Variants in CNTNAP3B observed in about 807,000 individuals in gnomAD.
The protein encoded by CNTNAP3B is contactin associated protein family member 3B, also known as contactin-associated protein-like 3B.
In CNTNAP3B, 25 loss-of-function variants were observed where a neutral mutation model predicts 108.9. That is an observed-to-expected ratio of 0.23 (90% CI 0.17 to 0.32). The LOEUF is 0.32. Ranked by LOEUF, CNTNAP3B falls within the 10% of genes least tolerant of loss-of-function variation. The probability of loss-of-function intolerance (pLI) is 1.00; values close to 1 mark genes in which losing one functional copy is unlikely to be tolerated. For synonymous variants in CNTNAP3B, 103 were observed against 473.4 expected, an observed-to-expected ratio of 0.22 and a Z score of 10.16; for missense variants, 252 against 1,210.4, an observed-to-expected ratio of 0.21 and a Z score of 11.75.
intron 1 of CNTNAP3B, among the ~76,000 whole-genome samples, chr9:42,127,907 G>A (rs1317921115): frequency 7.2e-6 from 1 of 139,546 alleles, no homozygotes; most frequent in African/African-American, 2.9e-5. Context: ...TAGGAAAACT[G>A]CTGAAAGCTA....
At chr9:41,958,536 G>A (rs1824948742) in intron 12 of CNTNAP3B, among the ~76,000 whole-genome samples, 1 of 151,958 alleles carries the variant, frequency 6.6e-6, no homozygotes, top group African/African-American at 2.4e-5. Context: ...GAAGGGGAAA[G>A]GTTCTGTAGT....
At chr9:41,936,230 T>C (rs1588050466) in intron 14 of CNTNAP3B, among the ~76,000 whole-genome samples, 1 of 152,278 alleles carries the variant, frequency 6.6e-6, no homozygotes, top group East Asian at 1.9e-4. Context: ...TGAGCTGAGA[T>C]CGCACCACTG....
chr9:42,117,027 AG>A (rs1398217583), intron 1 of CNTNAP3B, among the ~76,000 whole-genome samples: 1 of 139,364 alleles, frequency 7.2e-6, no homozygotes, highest in Non-Finnish European at 1.5e-5. Context: ...TCATAAAGCA[AG>A]TCCTTAGAGG....
At chr9:42,097,387 T>C (rs1435782886) in intron 2 of CNTNAP3B, among the ~76,000 whole-genome samples, 1 of 139,886 alleles carries the variant, frequency 7.1e-6, no homozygotes, top group East Asian at 2.2e-4. Flanking sequence ...CCCAGGTTAA[T>C]AAAGATGCTT....
In CNTNAP3B at chr9:42,123,199, CT is replaced by C. The variant is rs1288998945; in HGVS notation, c.85+5810del. Among the ~76,000 whole-genome samples, 4 of 101,668 alleles carry C rather than the reference CT, an allele frequency of 3.9e-5. 2 individuals carry two copies. Among genetic ancestry groups the C allele is most frequent in the East Asian group, 6.2e-4 (2 of 3,206 alleles). 66.7% of individuals were successfully genotyped at this position (101,668 alleles called of 152,430 possible). ...AACATGTGACATTGAGACAATGTTT[CT>C]TTTAATTCACATATAACTTCTTCCT... On this transcript the variant is annotated intron_variant, in intron 1 of 23. Transcript: ENST00000377561.
intron 3 of CNTNAP3B, among the ~76,000 whole-genome samples, chr9:42,067,197 GA>G (rs1827286012): frequency 6.9e-6 from 1 of 144,492 alleles, no homozygotes; most frequent in Non-Finnish European, 1.5e-5. Flanking sequence ...TTTCCTTCTA[GA>G]AACTCATCAA....
intron 9 of CNTNAP3B, among the ~76,000 whole-genome samples, chr9:41,977,944 A>G (rs1825553182): frequency 7.0e-6 from 1 of 141,852 alleles, no homozygotes; most frequent in Admixed American, 7.0e-5. Flanking sequence ...TTTTACTTTC[A>G]TATTGTGCTG....
In CNTNAP3B at chr9:42,076,750, T is replaced by C. The variant is rs1827499908; in HGVS notation, c.390+119A>G. On this transcript the variant is annotated intron_variant, in intron 3 of 23. Coordinates refer to ENST00000377561, the MANE Select transcript of CNTNAP3B (RefSeq NM_001201380.3). ...TGGTATAAGATTCTCTTTCAATGCTTTCAATGAAATAGGTATCTTACTTTC... is the reference window on the plus strand; with the variant it reads ...TGGTATAAGATTCTCTTTCAATGCTCTCAATGAAATAGGTATCTTACTTTC... The C allele has an allele frequency of 1.8e-5, 11 of 618,976 alleles. 2 individuals carry two copies. Among genetic ancestry groups the C allele is most frequent in the Admixed American group, 6.7e-5 (2 of 29,782 alleles). The allele number at this position is 618,976 out of a possible 1,614,324, so 38.3% of individuals were successfully genotyped here.
At chr9:41,918,692 G>A (rs1414278963) in intron 18 of CNTNAP3B, among the ~76,000 whole-genome samples, 2 of 143,222 alleles carry the variant, frequency 1.4e-5, no homozygotes, top group South Asian at 2.2e-4. Flanking sequence ...AAAATTTTGG[G>A]TTATAAAATA....
At chr9:41,965,242 T>A (rs1324230289) in intron 10 of CNTNAP3B, among the ~76,000 whole-genome samples, 2 of 152,264 alleles carry the variant, frequency 1.3e-5, no homozygotes, top group African/African-American at 4.8e-5. Context: ...TCTCAATGCC[T>A]TTTTTTGCAG....
At chr9:42,050,205 C>T (rs1280375219) in intron 3 of CNTNAP3B, among the ~76,000 whole-genome samples, 1 of 23,704 alleles carries the variant, frequency 4.2e-5, no homozygotes, top group Non-Finnish European at 8.9e-5. Context: ...CAGCTATAAA[C>T]TCCCTTTCAG....
intron 4 of CNTNAP3B, among the ~76,000 whole-genome samples, chr9:42,001,884 T>C (rs1826013977): frequency 7.7e-6 from 1 of 129,818 alleles, no homozygotes. Context: ...CACTAGAGTA[T>C]ATACTGTGTG....
intron 3 of CNTNAP3B, among the ~76,000 whole-genome samples, chr9:42,056,324 AT>A (rs1236668921): frequency 9.8e-6 from 1 of 101,724 alleles, no homozygotes; most frequent in African/African-American, 4.8e-5. Flanking sequence ...TATCTCATGA[AT>A]TTTATTATTA....
At chr9:42,094,365 A>G (rs1587267041) in intron 2 of CNTNAP3B, among the ~76,000 whole-genome samples, 1 of 129,626 alleles carries the variant, frequency 7.7e-6, no homozygotes, top group African/African-American at 3.2e-5. Context: ...AAAAACAAAG[A>G]GGGCGGGGGC....
At chr9:42,015,787 T>C (rs1587200833) in intron 3 of CNTNAP3B, among the ~76,000 whole-genome samples, 1 of 12,070 alleles carries the variant, frequency 8.3e-5, no homozygotes. Context: ...TTGACTCCAA[T>C]GTTAAAATTC....
chr9:41,941,178 C>A (rs1180551479), intron 13 of CNTNAP3B, among the ~76,000 whole-genome samples: 64 of 150,784 alleles, frequency 4.2e-4, no homozygotes, highest in Non-Finnish European at 8.3e-4. Context: ...CACATATGTA[C>A]ACTATAATAC....
At chr9:42,036,480 G>A (rs1378395387) in intron 3 of CNTNAP3B, among the ~76,000 whole-genome samples, 4 of 138,418 alleles carry the variant, frequency 2.9e-5, no homozygotes, top group East Asian at 2.2e-4. Flanking sequence ...GAACTGCAAG[G>A]CAGCAGCGAG....
At position 42,124,068 on chromosome 9, in the gene CNTNAP3B, T is replaced by G. The variant is rs1423810785; in HGVS notation, c.85+4942A>C. On this transcript the variant is annotated intron_variant, in intron 1 of 23. Transcript: ENST00000377561. The stretch of plus-strand genomic sequence containing the variant: ...ACTAGACCACGTCTTCTTGGTAATT[T>G]AATTCTTAGCAATAATTTTAATTGC... 2.2e-5 allele frequency among the ~76,000 whole-genome samples: 3 copies of G among 137,688 alleles called. 1 individual carries two copies. The highest frequency in any genetic ancestry group is 8.7e-5 in the African/African-American group (3 of 34,436). 90.3% of individuals were successfully genotyped at this position (137,688 alleles called of 152,430 possible). A position where few individuals can be genotyped will look rare whatever the true frequency, so the allele number is the denominator to read the frequency against.
intron 1 of CNTNAP3B, among the ~76,000 whole-genome samples, chr9:42,125,671 T>G (rs1397387415): frequency 3.0e-5 from 4 of 131,796 alleles, no homozygotes; most frequent in Non-Finnish European, 4.8e-5. Context: ...TTTTGTTTTT[T>G]TTTTTTTGTT....
Sources: gnomAD v4.1 joint callset for allele counts (sites outside exome capture counted in the v4.1 genomes callset) on GRCh38, gnomAD v4.1.1 for gene constraint, MANE v1.5 for transcripts, NCBI Gene and HGNC (gene_info 2026-07-23, HGNC 2026-07-21) for gene names.